Variants in ATXN7L1 observed in about 807,000 individuals in gnomAD.
The protein encoded by ATXN7L1 is ataxin-7-like protein 1.
ATXN7L1 carries 15 observed loss-of-function variants against 70.8 expected under a neutral mutation model. The ratio of observed to expected loss-of-function variants is 0.21; its 90% CI spans 0.14 to 0.33. The LOEUF (loss-of-function observed/expected upper bound fraction) is 0.33. Ranked by LOEUF, ATXN7L1 falls within the 10% of genes least tolerant of loss-of-function variation. The pLI is 1.00. For missense variants in ATXN7L1, 975 were observed against 1,097.1 expected, an observed-to-expected ratio of 0.89 and a Z score of 1.57; for synonymous variants, 440 against 445.1, an observed-to-expected ratio of 0.99 and a Z score of 0.14.
At position 105,614,376 on chromosome 7, in the gene ATXN7L1, G is replaced by T. The variant is rs1246892560; in HGVS notation, c.1958C>A (p.Ser653Tyr). The T allele has an allele frequency of 7.1e-6, 11 of 1,552,318 alleles. No individual in the cohort carries two copies. Among genetic ancestry groups the T allele is most frequent in the Non-Finnish European group, 8.7e-6 (10 of 1,147,158 alleles). The change falls in exon 10 of 12, where the codon TCC (serine) becomes TAC (tyrosine). Residue 653 changes from serine (S) to tyrosine (Y), a missense_variant. By Grantham distance (144) the Ser-to-Tyr change is moderately radical. Around this residue, in one of 5 missense-constraint regions of ATXN7L1, gnomAD observed 635 missense variants for 699.4 expected, o/e 0.91. Coordinates refer to ENST00000419735, the MANE Select transcript of ATXN7L1 (RefSeq NM_020725.2). The surrounding 1 kb of genome is among the most constrained non-coding windows in gnomAD (Gnocchi z 4.3). ...KKRKPQSSTS[S>Y]SSSSSSSSLQ... is the part of the protein sequence containing the mutation. ...GGAAGAGGAGGAGGAGGAGGAGGAG[G>T]AGGAAGTCGAAGACTGTGGCTTCCT... is the stretch of plus-strand genomic sequence containing the variant.
At chr7:105,665,378 G>A (rs1212646644) in intron 3 of ATXN7L1, 90 bp from the exon 4 acceptor site, 23 of 1,063,930 alleles carry the variant, frequency 2.2e-5, no homozygotes, top group Middle Eastern at 3.0e-4. Context: ...CACAACAGGC[G>A]GAGAGAAGCG....
chr7:105,757,549 T>C (rs940321501), intron 3 of ATXN7L1, among the ~76,000 whole-genome samples: 2 of 150,754 alleles, frequency 1.3e-5, no homozygotes, highest in African/African-American at 2.4e-5. Context: ...TTTTTTTTTT[T>C]CAGTTACCAT....
At chr7:105,790,966 T>C (rs2010419) in intron 2 of ATXN7L1, among the ~76,000 whole-genome samples, 82,957 of 152,030 alleles carry the variant, frequency 0.55, 22,925 homozygotes, top group East Asian at 0.75. Context: ...ATGGTTCCCC[T>C]GACCACGATC....
rs1584290448 is a variant in ATXN7L1, at chr7:105,613,854, T to G, written c.2472+8A>C. On this transcript the variant is annotated splice_region_variant and intron_variant, in intron 10 of 11. Transcript: ENST00000419735. The stretch of plus-strand genomic sequence containing the variant: ...AGCCGGTGAAGGCGGTGCCAGGAGG[T>G]CCCTTACCTGCCGAGAGGAGGTGCT... The G allele has an allele frequency of 6.4e-7, 1 of 1,551,506 alleles. No individual in the cohort carries two copies. Among genetic ancestry groups the G allele is most frequent in the Non-Finnish European group, 8.7e-7 (1 of 1,146,946 alleles).
chr7:105,725,899 CT>C (rs1362645489), intron 3 of ATXN7L1, among the ~76,000 whole-genome samples: 1 of 139,618 alleles, frequency 7.2e-6, no homozygotes, highest in African/African-American at 2.8e-5. Flanking sequence ...TTTTTTCTTT[CT>C]TTCTTTTTTT....
At chr7:105,873,569 C>G (rs1282670542) in intron 2 of ATXN7L1, among the ~76,000 whole-genome samples, 1 of 152,206 alleles carries the variant, frequency 6.6e-6, no homozygotes, top group East Asian at 1.9e-4. Flanking sequence ...AAGAAAACTG[C>G]ATGCATATAT....
At chr7:105,781,312 A>C in intron 3 of ATXN7L1, among the ~76,000 whole-genome samples, 1 of 152,096 alleles carries the variant, frequency 6.6e-6, no homozygotes, top group Non-Finnish European at 1.5e-5. Context: ...GTTCACCCCA[A>C]TTACAAAACT....
chr7:105,799,498 G>GGGCTCCTATTCAGAGGGTCTCA (rs1481717526), intron 2 of ATXN7L1, among the ~76,000 whole-genome samples: 1 of 30,874 alleles, frequency 3.2e-5, no homozygotes, highest in Non-Finnish European at 6.5e-5. Flanking sequence ...TGGCCATGGT[G>GGGCTCCTATTCAGAGGGTCTCA]GGCGAGAGAC....
intron 2 of ATXN7L1, among the ~76,000 whole-genome samples, chr7:105,793,047 T>C (rs1242724815): frequency 1.3e-5 from 2 of 152,230 alleles, no homozygotes; most frequent in South Asian, 2.1e-4. Flanking sequence ...TTGTAAAAAG[T>C]AGCATGAGAT....
intron 4 of ATXN7L1, among the ~76,000 whole-genome samples, chr7:105,644,930 G>A (rs765731060): frequency 2.6e-5 from 4 of 152,160 alleles, no homozygotes; most frequent in Non-Finnish European, 5.9e-5. Flanking sequence ...GCTTTAAAAA[G>A]GAAGGAAATT....
At chr7:105,723,124 G>A (rs367549557) in intron 3 of ATXN7L1, among the ~76,000 whole-genome samples, 5 of 152,128 alleles carry the variant, frequency 3.3e-5, no homozygotes, top group African/African-American at 7.2e-5. Context: ...GATACATGAC[G>A]TGGGGTGTAT....
chr7:105,788,780 G>A, intron 2 of ATXN7L1, 72 bp from the exon 3 acceptor site: 1 of 1,249,104 alleles, frequency 8.0e-7, no homozygotes, highest in Non-Finnish European at 1.2e-6. Context: ...GTTTCCTCTT[G>A]GAATTTCTTC....
At position 105,607,695 on chromosome 7, in the gene ATXN7L1, G is replaced by T; in HGVS notation, c.*157C>A. The T allele has an allele frequency of 5.2e-6, 3 of 578,890 alleles. No homozygotes were observed. The highest frequency in any genetic ancestry group is 9.2e-6 in the Non-Finnish European group (3 of 325,774). The allele number at this position is 578,890 out of a possible 1,614,324, so 35.9% of individuals were successfully genotyped here. On this transcript the variant is annotated 3_prime_UTR_variant, in exon 12 of 12. Coordinates refer to ENST00000419735, the MANE Select transcript of ATXN7L1 (RefSeq NM_020725.2). ...TCTTTTGCCTTTTTAACTAAAAATT[G>T]GTCAATTAAAAAAAGAAGAAGAAAG...
At chr7:105,608,942 AC>A (rs1336196098) in intron 11 of ATXN7L1, among the ~76,000 whole-genome samples, 4 of 152,002 alleles carry the variant, frequency 2.6e-5, no homozygotes, top group Admixed American at 6.6e-5. Context: ...GCAAAACCCC[AC>A]CCCCCAATCC....
intron 3 of ATXN7L1, among the ~76,000 whole-genome samples, chr7:105,708,968 C>T (rs1225886237): frequency 1.3e-5 from 2 of 152,196 alleles, no homozygotes; most frequent in East Asian, 1.9e-4. Flanking sequence ...ACATCAATGA[C>T]TCCAGTCTCT....
intron 2 of ATXN7L1, among the ~76,000 whole-genome samples, chr7:105,874,862 G>A (rs1056221212): frequency 2.0e-5 from 3 of 152,062 alleles, no homozygotes; most frequent in Admixed American, 1.3e-4. Flanking sequence ...CATTCATTTG[G>A]GATGACCAAT....
At chr7:105,869,892 A>T (rs962557673) in intron 2 of ATXN7L1, among the ~76,000 whole-genome samples, 3 of 152,206 alleles carry the variant, frequency 2.0e-5, no homozygotes, top group African/African-American at 7.2e-5. Context: ...AACTTTGTAT[A>T]AACTCTTCTT....
intron 3 of ATXN7L1, among the ~76,000 whole-genome samples, chr7:105,768,844 A>G (rs1000224186): frequency 3.3e-5 from 5 of 152,268 alleles, no homozygotes; most frequent in African/African-American, 1.2e-4. Context: ...GAAGACAGCT[A>G]GAGGATGTAT....
At position 105,692,432 on chromosome 7, in the gene ATXN7L1, C is replaced by CCCTCCCTCCTTCCTTCCTT. The variant is rs1563010026; in HGVS notation, c.356-27145_356-27144insAAGGAAGGAAGGAGGGAGG. On this transcript the variant is annotated intron_variant, in intron 3 of 11. Coordinates refer to ENST00000419735, the MANE Select transcript of ATXN7L1 (RefSeq NM_020725.2). ...TTCCTTCCTTCCTTCCTTCCTCCCT[C>CCCTCCCTCCTTCCTTCCTT]CCTCCCTCCCTCCCTTCCTTCCTTC... is the stretch of plus-strand genomic sequence containing the variant. 6.2e-5 allele frequency among the ~76,000 whole-genome samples: 6 copies of CCCTCCCTCCTTCCTTCCTT among 96,204 alleles called. 1 individual carries two copies. In the Admixed American group the frequency reaches 7.1e-4, roughly 11 times the overall value. 63.1% of individuals were successfully genotyped at this position (96,204 alleles called of 152,430 possible).
Sources: gnomAD v4.1 joint callset for allele counts (sites outside exome capture counted in the v4.1 genomes callset) on GRCh38, gnomAD v4.1.1 for gene constraint, gnomAD v4.1.1 regional missense constraint, Gnocchi (gnomAD v3.1) non-coding constraint, MANE v1.5 for transcripts, NCBI Gene and HGNC (gene_info 2026-07-23, HGNC 2026-07-21) for gene names.